MALRD1: variants seen among roughly 807,000 people sequenced by gnomAD.
MALRD1 encodes MAM and LDL receptor class A domain containing 1.
In MALRD1, 247 loss-of-function variants were observed where a neutral mutation model predicts 242.1. That is an observed-to-expected ratio of 1.02 (90% confidence interval 0.92 to 1.13). The LOEUF (loss-of-function observed/expected upper bound fraction) is 1.13. MALRD1 is among the 50% of genes most tolerant of loss of function. MALRD1 has a pLI of 0.00. For missense variants in MALRD1, 2,989 were observed against 2,533.1 expected, an observed-to-expected ratio of 1.18 and a Z score of -3.86; for synonymous variants, 995 against 866.6, an observed-to-expected ratio of 1.15 and a Z score of -2.60.
intron 28 of MALRD1, among the ~76,000 whole-genome samples, chr10:19,420,723 T>G (rs1833690325): frequency 6.6e-6 from 1 of 152,162 alleles, no homozygotes; most frequent in African/African-American, 2.4e-5. Flanking sequence ...AAAGCAATAT[T>G]GTAAAATTTA....
intron 31 of MALRD1, among the ~76,000 whole-genome samples, chr10:19,529,358 A>G (rs1404554640): frequency 6.6e-6 from 1 of 152,208 alleles, no homozygotes. Context: ...TAAGTTGCTT[A>G]TAAAATGGTA....
intron 36 of MALRD1, among the ~76,000 whole-genome samples, chr10:19,651,590 T>C (rs990547695): frequency 3.9e-5 from 6 of 152,158 alleles, no homozygotes; most frequent in Admixed American, 2.6e-4. Flanking sequence ...TGAGCATTAT[T>C]ATGTACAAGG....
At chr10:19,701,001 T>A (rs1388337619) in intron 38 of MALRD1, among the ~76,000 whole-genome samples, 1 of 151,852 alleles carries the variant, frequency 6.6e-6, no homozygotes, top group Non-Finnish European at 1.5e-5. Context: ...ATACAAAAAT[T>A]AGCCAGGCAT....
At chr10:19,316,585 A>G (rs1224257753) in intron 21 of MALRD1, among the ~76,000 whole-genome samples, 1 of 151,910 alleles carries the variant, frequency 6.6e-6, no homozygotes, top group African/African-American at 2.4e-5. Context: ...GACTTTTATC[A>G]TCACACAATG....
At position 19,200,645 on chromosome 10, in the gene MALRD1, G is replaced by GTTTTTTTTTTT. The variant is rs71387053; in HGVS notation, c.1952-3067_1952-3057dup. Among the ~76,000 whole-genome samples the GTTTTTTTTTTT allele has an allele frequency of 8.5e-4, 59 of 69,438 alleles. 2 individuals carry two copies. In the East Asian group the frequency reaches 0.016, roughly 19 times the overall value. 45.6% of individuals were successfully genotyped at this position (69,438 alleles called of 152,430 possible). A position where few individuals can be genotyped will look rare whatever the true frequency, so the allele number is the denominator to read the frequency against. On this transcript the variant is annotated intron_variant, in intron 14 of 39. Coordinates refer to ENST00000454679, the MANE Select transcript of MALRD1 (RefSeq NM_001142308.3). ...TTTTTTTTCTCCCTCCCTGCTTGAG[G>GTTTTTTTTTTT]TTTTTTTTTTTTTTTTTTTTTTTTT...
At chr10:19,207,098 C>A (rs537531295) in intron 17 of MALRD1, among the ~76,000 whole-genome samples, 1 of 152,082 alleles carries the variant, frequency 6.6e-6, no homozygotes. Context: ...ATTCACATAC[C>A]CTTTTATTTA....
intron 10 of MALRD1, among the ~76,000 whole-genome samples, chr10:19,145,306 G>A (rs1833690851): frequency 6.6e-6 from 1 of 152,048 alleles, no homozygotes; most frequent in Admixed American, 6.6e-5. Flanking sequence ...ATGATAAATG[G>A]AGGAAATTAA....
chr10:19,645,619 A>T (rs761021578), intron 36 of MALRD1, among the ~76,000 whole-genome samples: 2 of 152,166 alleles, frequency 1.3e-5, no homozygotes, highest in Non-Finnish European at 2.9e-5. Context: ...TCAGCAAACT[A>T]TCCCAAGGAC....
At chr10:19,237,319 C>G (rs936434843) in intron 18 of MALRD1, among the ~76,000 whole-genome samples, 65 of 150,466 alleles carry the variant, frequency 4.3e-4, no homozygotes, top group African/African-American at 1.5e-3. Context: ...GTTTGGTAAC[C>G]ACTATTCTAC....
intron 28 of MALRD1, among the ~76,000 whole-genome samples, chr10:19,412,314 A>G (rs1381253645): frequency 3.3e-5 from 5 of 152,192 alleles, no homozygotes; most frequent in Admixed American, 6.5e-5. Context: ...CAAGTTTATA[A>G]TATTATGTAC....
chr10:19,257,836 A>G, intron 19 of MALRD1, 65 bp downstream of exon 19: 1 of 1,096,952 alleles, frequency 9.1e-7, no homozygotes, highest in South Asian at 1.9e-5. Flanking sequence ...CTTGCAAGGA[A>G]ATCAATATTT....
chr10:19,596,855 A>G (rs2131562979), intron 34 of MALRD1, among the ~76,000 whole-genome samples: 1 of 151,486 alleles, frequency 6.6e-6, no homozygotes, highest in African/African-American at 2.4e-5. Flanking sequence ...AGGGAGGGAC[A>G]GAGAGGAGGA....
intron 26 of MALRD1, among the ~76,000 whole-genome samples, chr10:19,383,712 T>A (rs143383447): frequency 1.1e-4 from 16 of 152,108 alleles, no homozygotes; most frequent in African/African-American, 3.9e-4. Flanking sequence ...GTAAATCATA[T>A]TTACATGTGA....
intron 19 of MALRD1, among the ~76,000 whole-genome samples, chr10:19,260,089 C>G (rs1306304369): frequency 1.3e-5 from 2 of 152,122 alleles, no homozygotes; most frequent in Admixed American, 1.3e-4. Context: ...TTTATATACT[C>G]TCGTTATATA....
chr10:19,126,201 T>C (rs758186056), intron 7 of MALRD1, among the ~76,000 whole-genome samples: 6 of 152,108 alleles, frequency 3.9e-5, no homozygotes, highest in Non-Finnish European at 8.8e-5. Context: ...TATTTGAAAA[T>C]TTCAGTATGA....
intron 36 of MALRD1, among the ~76,000 whole-genome samples, chr10:19,629,131 A>G (rs1383425915): frequency 6.6e-6 from 1 of 152,164 alleles, no homozygotes; most frequent in Non-Finnish European, 1.5e-5. Flanking sequence ...CCCTTCCCAA[A>G]AAGCAAGCCT....
At chr10:19,167,820 G>T (rs1834763672) in intron 13 of MALRD1, among the ~76,000 whole-genome samples, 1 of 152,008 alleles carries the variant, frequency 6.6e-6, no homozygotes, top group Non-Finnish European at 1.5e-5. Flanking sequence ...TGGAGTGAGG[G>T]GTAAGTAACA....
intron 7 of MALRD1, among the ~76,000 whole-genome samples, chr10:19,126,317 C>G (rs1404539284): frequency 6.6e-6 from 1 of 152,114 alleles, no homozygotes; most frequent in Non-Finnish European, 1.5e-5. Context: ...CTCTTACTCC[C>G]TCTAATCTTT....
intron 34 of MALRD1, among the ~76,000 whole-genome samples, chr10:19,599,677 A>G (rs1179984010): frequency 6.6e-6 from 1 of 152,138 alleles, no homozygotes; most frequent in Non-Finnish European, 1.5e-5. Context: ...TTAGAGAAAT[A>G]GTATGCATAG....
Sources: gnomAD v4.1 joint callset for allele counts (sites outside exome capture counted in the v4.1 genomes callset) on GRCh38, gnomAD v4.1.1 for gene constraint, MANE v1.5 for transcripts, NCBI Gene and HGNC (gene_info 2026-07-23, HGNC 2026-07-21) for gene names.